Variants in TUT4 observed in about 807,000 individuals in gnomAD.
TUT4 encodes the protein terminal uridylyltransferase 4.
TUT4 carries 36 observed loss-of-function variants against 192.2 expected under a neutral mutation model. The observed-to-expected ratio is 0.19, with a 90% CI of 0.14 to 0.25. The LOEUF (loss-of-function observed/expected upper bound fraction) is 0.25. TUT4 is among the 10% of genes least tolerant of loss of function. The pLI, the probability that TUT4 is intolerant of heterozygous loss-of-function variation, is 1.00. For missense variants in TUT4, 1,493 were observed against 1,957.2 expected (o/e 0.76, Z 4.47); for synonymous variants, 618 against 666.0 (o/e 0.93, Z 1.11).
At chr1:52,477,197 C>T (rs1667322018) in intron 12 of TUT4, among the ~76,000 whole-genome samples, 1 of 152,116 alleles carries the variant, frequency 6.6e-6, no homozygotes, top group Admixed American at 6.5e-5. Flanking sequence ...ATGCTAATTA[C>T]TGACCTTAAC....
At chr1:52,429,796 G>T (rs953637830) in intron 28 of TUT4, among the ~76,000 whole-genome samples, 4 of 151,922 alleles carry the variant, frequency 2.6e-5, no homozygotes, top group Non-Finnish European at 4.4e-5. Context: ...GTTTTGCCAT[G>T]CTGGCCAGCC....
chr1:52,525,878 G>A lies in TUT4; in HGVS notation c.403C>T (p.Pro135Ser), dbSNP rs1681618142. ...QAKAEKSPKS[P>S]NSVKAEKASS... Reference sequence around the variant, plus strand: ...GCTTTTTCTGCTTTCACTGAATTAGGTGACTTTGGTGATTTTTCTGCTTTT... The same window carrying A: ...GCTTTTTCTGCTTTCACTGAATTAGATGACTTTGGTGATTTTTCTGCTTTT... Residue 135 changes from proline to serine, a missense_variant, in exon 2 of 30, where the codon CCT (proline) becomes TCT (serine). Coordinates refer to ENST00000257177, the MANE Select transcript of TUT4 (RefSeq NM_001009881.3). 2 of 1,613,892 alleles carry A rather than the reference G, an allele frequency of 1.2e-6. No individual in the cohort carries two copies. Among genetic ancestry groups the A allele is most frequent in the African/African-American group, 2.7e-5 (2 of 74,866 alleles).
At chr1:52,439,771 G>A (rs536799486) in intron 24 of TUT4, among the ~76,000 whole-genome samples, 1 of 152,224 alleles carries the variant, frequency 6.6e-6, no homozygotes, top group East Asian at 1.9e-4. Context: ...ACACTATTAA[G>A]TATATACCAA....
In TUT4 at chr1:52,546,004, T is replaced by C. The variant is rs536349363; in HGVS notation, c.-94+6927A>G. On this transcript the variant is annotated intron_variant, in intron 1 of 29. Transcript: ENST00000257177. ...AAAAAAAAAAATTGGCCAGGTGTGG[T>C]CGCAAGCGCCCACAGTCCCACCTAC... Among the ~76,000 whole-genome samples the C allele has an allele frequency of 3.1e-4, 46 of 147,078 alleles. 1 individual carries two copies. The South Asian group carries it at 9.6e-3, about 31-fold the overall frequency.
At chr1:52,447,529 T>G (rs1328021108) in intron 20 of TUT4, among the ~76,000 whole-genome samples, 1 of 149,406 alleles carries the variant, frequency 6.7e-6, no homozygotes, top group Non-Finnish European at 1.5e-5. Context: ...TGATAAAGAC[T>G]ATAAACTTTA....
In TUT4 at chr1:52,436,789, G is replaced by T. The variant is rs376676575; in HGVS notation, c.4128C>A (p.Val1376=). The T allele has an allele frequency of 2.4e-5, 38 of 1,613,318 alleles. No homozygotes were observed. Among genetic ancestry groups the T allele is most frequent in the Middle Eastern group, 1.7e-4 (1 of 5,900 alleles). Residue 1376 remains valine, a synonymous_variant, in exon 26 of 30, where the codon GTC becomes GTA. Transcript: ENST00000257177. ...TGCTATTCCTCTGACGGGCCAGCTT[G>T]ACCTCTGGGCACTCCCTTCGTACAT... ...AGHVRRECPE[V]KLARQRNSSV... is the part of the protein sequence containing the mutation.
chr1:52,482,254 A>G (rs1259705781), intron 9 of TUT4, among the ~76,000 whole-genome samples: 1 of 152,126 alleles, frequency 6.6e-6, no homozygotes, highest in African/African-American at 2.4e-5. Flanking sequence ...GTCTTCTTCT[A>G]GGCCTTTTTC....
chr1:52,477,460 G>C (rs1238051525), intron 12 of TUT4, among the ~76,000 whole-genome samples: 1 of 152,106 alleles, frequency 6.6e-6, no homozygotes, highest in African/African-American at 2.4e-5. Flanking sequence ...TATAGTCCTA[G>C]CTACTCAGGA....
intron 24 of TUT4, among the ~76,000 whole-genome samples, chr1:52,445,550 C>A (rs1657294340): frequency 6.6e-6 from 1 of 152,104 alleles, no homozygotes; most frequent in Non-Finnish European, 1.5e-5. Context: ...AGACATGAAT[C>A]CTGTCTTCGT....
At chr1:52,500,230 AAAT>A (rs1673717921) in intron 4 of TUT4, among the ~76,000 whole-genome samples, 1 of 152,182 alleles carries the variant, frequency 6.6e-6, no homozygotes, top group Non-Finnish European at 1.5e-5. Flanking sequence ...TTTTTTCAAC[AAAT>A]GTTGCTGGGA....
chr1:52,525,056 T>G (rs905718421), intron 2 of TUT4, among the ~76,000 whole-genome samples: 1 of 152,132 alleles, frequency 6.6e-6, no homozygotes, highest in African/African-American at 2.4e-5. Context: ...CTCTCTCAAC[T>G]TCAATTAAGT....
In TUT4 at chr1:52,497,100, T is replaced by C; in HGVS notation, c.1083A>G (p.Glu361=). 1 of 1,614,084 alleles carries C rather than the reference T, an allele frequency of 6.2e-7. No homozygotes were observed. Among genetic ancestry groups the C allele is most frequent in the Non-Finnish European group, 8.5e-7 (1 of 1,179,978 alleles). The change falls in exon 5 of 30, where the codon GAA becomes GAG. Residue 361 remains glutamate (E), a synonymous_variant. Transcript: ENST00000257177. ...HLAALSVAVI[E]LAKEHGITDD... ...CTGTTATTCCATGTTCTTTTGCTAA[T>C]TCAATGACTGCAACACTTAAAGCAG...
At chr1:52,495,641 C>T (rs995177860) in intron 5 of TUT4, 126 bp from the exon 6 acceptor site, 1 of 577,192 alleles carries the variant, frequency 1.7e-6, no homozygotes, top group Non-Finnish European at 3.0e-6. Flanking sequence ...GACAATTATA[C>T]AAGAAGAACA....
intron 24 of TUT4, among the ~76,000 whole-genome samples, chr1:52,444,092 T>C (rs910285280): frequency 6.6e-6 from 1 of 151,994 alleles, no homozygotes; most frequent in Non-Finnish European, 1.5e-5. Flanking sequence ...AAAAATTAGC[T>C]GGGCGTGGTG....
At chr1:52,543,068 T>C (rs1488895974) in intron 1 of TUT4, among the ~76,000 whole-genome samples, 1 of 152,172 alleles carries the variant, frequency 6.6e-6, no homozygotes, top group Non-Finnish European at 1.5e-5. Flanking sequence ...GTTCACCATT[T>C]CTGCTCAACA....
intron 4 of TUT4, among the ~76,000 whole-genome samples, chr1:52,499,197 G>C (rs11205965): frequency 6.6e-6 from 1 of 151,164 alleles, no homozygotes; most frequent in African/African-American, 2.4e-5. Context: ...TCAGGAGTTC[G>C]AGACCAGACA....
At chr1:52,468,510 T>C (rs1025641726) in intron 14 of TUT4, 3 of 406,490 alleles carry the variant, frequency 7.4e-6, no homozygotes, top group Admixed American at 8.7e-5. Context: ...AAAATAATTT[T>C]TAAGATATAT....
In TUT4 at chr1:52,488,831, A is replaced by C. The variant is rs973844608; in HGVS notation, c.1515+78T>G. 9.1e-6 allele frequency: 13 copies of C among 1,435,014 alleles called. No homozygotes were observed. In the East Asian group the frequency reaches 3.3e-4, roughly 36 times the overall value. 88.9% of individuals were successfully genotyped at this position (1,435,014 alleles called of 1,614,324 possible). On this transcript the variant is annotated intron_variant, in intron 9 of 29. Coordinates refer to ENST00000257177, the MANE Select transcript of TUT4 (RefSeq NM_001009881.3). Reference sequence around the variant, plus strand: ...ATGATTGATGTTACATGTCAGTACAAGAAAAGGCCTAATTTTGAAGATTAA... The same window carrying C: ...ATGATTGATGTTACATGTCAGTACACGAAAAGGCCTAATTTTGAAGATTAA...
At chr1:52,522,714 T>C (rs1680600031) in intron 2 of TUT4, among the ~76,000 whole-genome samples, 1 of 151,954 alleles carries the variant, frequency 6.6e-6, no homozygotes, top group Non-Finnish European at 1.5e-5. Context: ...TCACCTGAGG[T>C]CAGGAGTCTG....
Sources: gnomAD v4.1 joint callset for allele counts (sites outside exome capture counted in the v4.1 genomes callset) on GRCh38, gnomAD v4.1.1 for gene constraint, MANE v1.5 for transcripts, NCBI Gene and HGNC (gene_info 2026-07-23, HGNC 2026-07-21) for gene names.